UBTD1: variants seen among roughly 807,000 people sequenced by gnomAD.
The protein encoded by UBTD1 is ubiquitin domain-containing protein 1.
UBTD1 carries 19 observed loss-of-function variants against 21.7 expected under a neutral mutation model. The ratio of observed to expected loss-of-function variants is 0.87; its 90% CI spans 0.61 to 1.28. The LOEUF is 1.28. UBTD1 is among the 50% of genes most tolerant of loss of function. UBTD1 has a pLI of 0.00. For synonymous variants in UBTD1, 116 were observed against 135.1 expected (o/e 0.86, Z 0.98); for missense variants, 282 against 315.1 (o/e 0.89, Z 0.80).
intron 1 of UBTD1, among the ~76,000 whole-genome samples, chr10:97,524,686 C>G (rs902489535): frequency 2.6e-5 from 4 of 152,232 alleles, no homozygotes; most frequent in Non-Finnish European, 5.9e-5. Context: ...TGTAATGGCC[C>G]TGATGTCCTC....
At chr10:97,559,078 GGTCTCCACGGAATGCTAA>G (rs1238315948) in intron 1 of UBTD1, among the ~76,000 whole-genome samples, 17 of 152,184 alleles carry the variant, frequency 1.1e-4, no homozygotes, top group African/African-American at 3.4e-4. Flanking sequence ...CATCCCTTCA[GGTCTCCACGGAATGCTAA>G]GTCTCCTCCC....
intron 1 of UBTD1, among the ~76,000 whole-genome samples, chr10:97,528,250 C>T (rs1226542047): frequency 3.9e-4 from 44 of 112,552 alleles, no homozygotes; most frequent in Middle Eastern, 6.4e-3. Context: ...TAGGGGCGGC[C>T]GGGCAGAGGC....
At chr10:97,564,632 C>T (rs1053923022) in intron 1 of UBTD1, among the ~76,000 whole-genome samples, 13 of 152,140 alleles carry the variant, frequency 8.5e-5, no homozygotes, top group African/African-American at 3.1e-4. Context: ...GGCACGATCT[C>T]AGCTCACTGC....
At chr10:97,523,604 G>A (rs10882953) in intron 1 of UBTD1, among the ~76,000 whole-genome samples, 34,013 of 152,032 alleles carry the variant, frequency 0.22, 4,203 homozygotes, top group Non-Finnish European at 0.28. Flanking sequence ...ATGAAGCGAT[G>A]GTTGTAGAAG....
At chr10:97,503,435 G>A (rs1291949504) in intron 1 of UBTD1, among the ~76,000 whole-genome samples, 1 of 152,210 alleles carries the variant, frequency 6.6e-6, no homozygotes, top group Admixed American at 6.5e-5. Flanking sequence ...CCAGGGAGAG[G>A]TAGAGGTGGT....
intron 1 of UBTD1, among the ~76,000 whole-genome samples, chr10:97,534,575 G>GTGCACA (rs1554865768): frequency 4.3e-5 from 2 of 47,028 alleles, no homozygotes; most frequent in Admixed American, 6.9e-4. Flanking sequence ...ACACACGCGC[G>GTGCACA]CGCGCACACA....
At chr10:97,519,405 A>G (rs2040457742) in intron 1 of UBTD1, among the ~76,000 whole-genome samples, 1 of 152,206 alleles carries the variant, frequency 6.6e-6, no homozygotes. Context: ...TTCTCTGACG[A>G]TCTTTCCACT....
chr10:97,542,318 C>T (rs1357603581), intron 1 of UBTD1, among the ~76,000 whole-genome samples: 1 of 152,232 alleles, frequency 6.6e-6, no homozygotes, highest in African/African-American at 2.4e-5. Flanking sequence ...ACCAGTCTGG[C>T]AAGCCAGTTT....
chr10:97,563,825 G>C (rs985138268), intron 1 of UBTD1, among the ~76,000 whole-genome samples: 20 of 152,132 alleles, frequency 1.3e-4, no homozygotes, highest in African/African-American at 4.8e-4. Context: ...AAAGCCTGTT[G>C]TAAAGATAGG....
intron 1 of UBTD1, among the ~76,000 whole-genome samples, chr10:97,528,902 C>T (rs1325932576): frequency 6.3e-5 from 9 of 143,000 alleles, no homozygotes; most frequent in Non-Finnish European, 1.1e-4. Context: ...GGGGGGCTGA[C>T]CCCCCACCTC....
chr10:97,563,672 G>A (rs1362778873), intron 1 of UBTD1, among the ~76,000 whole-genome samples: 2 of 152,158 alleles, frequency 1.3e-5, no homozygotes, highest in Non-Finnish European at 2.9e-5. Context: ...GGAGATATCT[G>A]CTATGATAGT....
intron 1 of UBTD1, among the ~76,000 whole-genome samples, chr10:97,535,387 G>A (rs1389191259): frequency 2.0e-5 from 3 of 152,112 alleles, no homozygotes; most frequent in Admixed American, 6.5e-5. Context: ...AGGCCAAGGC[G>A]GGCAGATCAC....
At chr10:97,556,729 C>A (rs2135683824) in intron 1 of UBTD1, among the ~76,000 whole-genome samples, 1 of 152,330 alleles carries the variant, frequency 6.6e-6, no homozygotes, top group South Asian at 2.1e-4. Context: ...TACACAGCTA[C>A]CTGTCCACTG....
intron 1 of UBTD1, among the ~76,000 whole-genome samples, chr10:97,542,362 T>A (rs2040591076): frequency 6.6e-6 from 1 of 152,150 alleles, no homozygotes; most frequent in Non-Finnish European, 1.5e-5. Flanking sequence ...CACTGATGAG[T>A]CAGGTTTTTC....
At chr10:97,531,960 G>C (rs2040534108) in intron 1 of UBTD1, among the ~76,000 whole-genome samples, 1 of 152,202 alleles carries the variant, frequency 6.6e-6, no homozygotes, top group African/African-American at 2.4e-5. Flanking sequence ...TGAGGAGTGG[G>C]ACCACAGACC....
intron 1 of UBTD1, among the ~76,000 whole-genome samples, chr10:97,542,096 C>T (rs2040589801): frequency 6.6e-6 from 1 of 152,172 alleles, no homozygotes; most frequent in Non-Finnish European, 1.5e-5. Flanking sequence ...GTCTTCCCTC[C>T]CAGCTCCGCC....
chr10:97,530,565 C>G (rs1412933109), intron 1 of UBTD1, among the ~76,000 whole-genome samples: 1 of 152,124 alleles, frequency 6.6e-6, no homozygotes, highest in South Asian at 2.1e-4. Flanking sequence ...TCTATATTTT[C>G]TTTATGTCCT....
rs2040725746 is a variant in UBTD1, at chr10:97,567,927, C to G, written c.84C>G (p.Pro28=). 11 of 1,613,970 alleles carry G rather than the reference C, an allele frequency of 6.8e-6. No individual in the cohort carries two copies. Among genetic ancestry groups the G allele is most frequent in the Non-Finnish European group, 7.6e-6 (9 of 1,180,040 alleles). The change falls in exon 2 of 3, where the codon CCC becomes CCG. Residue 28 remains proline (P), a synonymous_variant. Transcript: ENST00000370664. ...TGTCCTGCCCAGGACGCAATGAGCC[C>G]CTGAAGAAAGAGCGGCTTAAGTGGA... ...HPRKRAGRNE[P]LKKERLKWKS... is the part of the protein sequence containing the mutation.
chr10:97,507,351 T>C (rs2040403417), intron 1 of UBTD1, among the ~76,000 whole-genome samples: 1 of 152,002 alleles, frequency 6.6e-6, no homozygotes, highest in African/African-American at 2.4e-5. Context: ...GAATTGTGCA[T>C]AGAGGCTGGG....
Sources: gnomAD v4.1 joint callset for allele counts (sites outside exome capture counted in the v4.1 genomes callset) on GRCh38, gnomAD v4.1.1 for gene constraint, MANE v1.5 for transcripts, NCBI Gene and HGNC (gene_info 2026-07-23, HGNC 2026-07-21) for gene names.